Variants in OAF observed in about 807,000 individuals in gnomAD.
OAF encodes the protein out at first homolog.
A neutral mutation model predicts 22.5 loss-of-function variants in OAF; 13 were observed. That is an observed-to-expected ratio of 0.58 (90% CI 0.38 to 0.92). The LOEUF (loss-of-function observed/expected upper bound fraction) is 0.92, where lower values mean the gene tolerates loss of function less well. Ranked by LOEUF, OAF falls within the 40% of genes least tolerant of loss-of-function variation. The pLI, the probability that OAF is intolerant of heterozygous loss-of-function variation, is 0.00. For missense variants in OAF, 347 were observed against 381.8 expected (o/e 0.91, Z 0.76); for synonymous variants, 175 against 170.5 (o/e 1.03, Z -0.21).
chr11:120,218,986 C>T (rs1456306332), intron 1 of OAF, among the ~76,000 whole-genome samples: 2 of 151,252 alleles, frequency 1.3e-5, no homozygotes, highest in South Asian at 2.1e-4. Flanking sequence ...CGCATGTACA[C>T]GTGTGTGTGT....
chr11:120,221,991 G>A (rs920397341), intron 1 of OAF, among the ~76,000 whole-genome samples: 4 of 152,170 alleles, frequency 2.6e-5, no homozygotes, highest in African/African-American at 4.8e-5. Flanking sequence ...CATGAAGTAC[G>A]TCATCCCAAC....
intron 1 of OAF, among the ~76,000 whole-genome samples, chr11:120,223,790 C>T (rs1304984033): frequency 1.3e-5 from 2 of 152,216 alleles, no homozygotes; most frequent in African/African-American, 4.8e-5. Flanking sequence ...ATAGGCTTCT[C>T]TCCAAAGAGT....
rs186811345 is a variant in OAF, at chr11:120,211,499, G to A, written c.220G>A (p.Asp74Asn). The change falls in exon 1 of 4, where the codon GAC becomes AAC. Residue 74 changes from aspartate to asparagine, a missense_variant. Transcript: ENST00000328965. The part of the protein sequence containing the change: ...PDGTLVSFTA[D>N]FKKDVKVFRA... ...CGGCACCCTCGTCTCCTTCACCGCCGACTTCAAGAAGGTGAGGCGCCCTCA... is the reference window on the plus strand; with the variant it reads ...CGGCACCCTCGTCTCCTTCACCGCCAACTTCAAGAAGGTGAGGCGCCCTCA... 10 of 1,466,054 alleles carry A rather than the reference G, an allele frequency of 6.8e-6. No individual in the cohort carries two copies. The highest frequency in any genetic ancestry group is 2.4e-5 in the Admixed American group (1 of 41,948). 90.8% of individuals were successfully genotyped at this position (1,466,054 alleles called of 1,614,324 possible).
chr11:120,220,626 G>A (rs1323535563), intron 1 of OAF, among the ~76,000 whole-genome samples: 4 of 152,204 alleles, frequency 2.6e-5, no homozygotes, highest in Non-Finnish European at 4.4e-5. Flanking sequence ...GCTGGTGAGG[G>A]CAGCACTGGG....
intron 3 of OAF, among the ~76,000 whole-genome samples, chr11:120,228,106 TA>T (rs1236356913): frequency 6.7e-6 from 1 of 149,754 alleles, no homozygotes; most frequent in Non-Finnish European, 1.5e-5. Context: ...TTTTTTGAGA[TA>T]AAGTCTCACT....
intron 1 of OAF, among the ~76,000 whole-genome samples, chr11:120,225,330 A>G (rs1390527520): frequency 6.6e-6 from 1 of 151,732 alleles, no homozygotes; most frequent in Non-Finnish European, 1.5e-5. Flanking sequence ...GCCCTCCTCC[A>G]TGATGCCCTG....
At chr11:120,228,825 T>TGCCCACC in intron 3 of OAF, 43 bp from the exon 4 acceptor site, 9 of 434,170 alleles carry the variant, frequency 2.1e-5, no homozygotes, top group Non-Finnish European at 3.7e-5. Flanking sequence ...GCTCCTTCCC[T>TGCCCACC]CCCTCCCTCC....
At chr11:120,217,962 G>T (rs931345131) in intron 1 of OAF, among the ~76,000 whole-genome samples, 5 of 152,216 alleles carry the variant, frequency 3.3e-5, no homozygotes, top group African/African-American at 1.2e-4. Flanking sequence ...CAGATAAAGG[G>T]CAGGGAGAGG....
At position 120,229,211 on chromosome 11, in the gene OAF, A is replaced by C. The variant is rs1938404351; in HGVS notation, c.*69A>C. 6.4e-6 allele frequency: 9 copies of C among 1,410,420 alleles called. No individual in the cohort carries two copies. The highest frequency in any genetic ancestry group is 2.3e-5 in the East Asian group (1 of 43,384). The allele number at this position is 1,410,420 out of a possible 1,614,324, so 87.4% of individuals were successfully genotyped here. On this transcript the variant is annotated 3_prime_UTR_variant, in exon 4 of 4. Coordinates refer to ENST00000328965, the MANE Select transcript of OAF (RefSeq NM_178507.4). ...TTCACCAGCCACTAGAGGGGGTGGCAACCCCCACCTGAGGCCTTATTTCCC... is the reference window on the plus strand; with the variant it reads ...TTCACCAGCCACTAGAGGGGGTGGCCACCCCCACCTGAGGCCTTATTTCCC...
chr11:120,216,259 A>C (rs1185536031), intron 1 of OAF, among the ~76,000 whole-genome samples: 1 of 152,192 alleles, frequency 6.6e-6, no homozygotes, highest in African/African-American at 2.4e-5. Context: ...TGCAATGTCC[A>C]CGTTGCCACC....
At position 120,226,935 on chromosome 11, in the gene OAF, T is replaced by C. The variant is rs1312177937; in HGVS notation, c.486T>C (p.Cys162=). The C allele has an allele frequency of 2.3e-5, 37 of 1,611,528 alleles. No homozygotes were observed. The highest frequency in any genetic ancestry group is 3.0e-5 in the Non-Finnish European group (35 of 1,178,038). ...TGAGCCCCCATCTCCACAACGTGTGTGCCGAGGCCGTGGATGCCATCTACA... is the reference window on the plus strand; with the variant it reads ...TGAGCCCCCATCTCCACAACGTGTGCGCCGAGGCCGTGGATGCCATCTACA... ...ALLSPHLHNV[C]AEAVDAIYTR... Residue 162 remains cysteine (C), a synonymous_variant, in exon 3 of 4, where the codon TGT becomes TGC. Transcript: ENST00000328965.
In OAF at chr11:120,229,364, CG is replaced by C; in HGVS notation, c.*225del. 3.6e-6 allele frequency: 2 copies of C among 551,796 alleles called. No homozygotes were observed. The highest frequency in any genetic ancestry group is 2.1e-5 in the South Asian group (1 of 47,084). The allele number at this position is 551,796 out of a possible 1,614,324, so 34.2% of individuals were successfully genotyped here. A position where few individuals can be genotyped will look rare whatever the true frequency, so the allele number is the denominator to read the frequency against. On this transcript the variant is annotated 3_prime_UTR_variant, in exon 4 of 4. Transcript: ENST00000328965. ...CCATTCCCACCCTGTGCCTTCCTTG[CG>C]GGCAGAGAGGGAGAGAAGGGCTCCC...
At chr11:120,222,709 C>A (rs1938296336) in intron 1 of OAF, among the ~76,000 whole-genome samples, 1 of 152,156 alleles carries the variant, frequency 6.6e-6, no homozygotes. Flanking sequence ...CTTAGGAGAT[C>A]AAGACCATCC....
intron 1 of OAF, 135 bp from the exon 2 acceptor site, chr11:120,225,526 T>C: frequency 1.5e-6 from 1 of 671,718 alleles, no homozygotes; most frequent in Non-Finnish European, 2.4e-6. Context: ...TAAAAATTCC[T>C]AGACCAGCAG....
intron 3 of OAF, among the ~76,000 whole-genome samples, chr11:120,227,285 C>T (rs963997023): frequency 6.6e-6 from 1 of 152,124 alleles, no homozygotes; most frequent in Non-Finnish European, 1.5e-5. Flanking sequence ...CAGGGAGGGA[C>T]CCCCAAACCA....
chr11:120,216,695 C>T (rs1014281659), intron 1 of OAF, among the ~76,000 whole-genome samples: 21 of 152,288 alleles, frequency 1.4e-4, no homozygotes, highest in African/African-American at 4.6e-4. Context: ...CAAAAGATCC[C>T]GGTAGGCCAT....
In OAF at chr11:120,228,995, C is replaced by T; in HGVS notation, c.675C>T (p.Tyr225=). The T allele has an allele frequency of 1.9e-6, 3 of 1,613,436 alleles. No homozygotes were observed. Among genetic ancestry groups the T allele is most frequent in the Non-Finnish European group, 2.5e-6 (3 of 1,179,988 alleles). The part of the protein sequence containing the change: ...VCRYGLSLAW[Y]PCMLKYCHSR... ...GCTATGGCCTGAGCCTGGCCTGGTA[C>T]CCCTGCATGCTCAAGTACTGCCACA... Residue 225 remains tyrosine, a synonymous_variant, in exon 4 of 4, where the codon TAC becomes TAT. Transcript: ENST00000328965.
chr11:120,228,822 C>CCCCA, intron 3 of OAF, 46 bp from the exon 4 acceptor site: 4 of 398,974 alleles, frequency 1.0e-5, no homozygotes, highest in Non-Finnish European at 5.1e-6. Flanking sequence ...GGAGCTCCTT[C>CCCCA]CCTCCCTCCC....
intron 1 of OAF, among the ~76,000 whole-genome samples, chr11:120,211,772 A>G (rs1214712617): frequency 1.3e-5 from 2 of 151,518 alleles, no homozygotes; most frequent in Admixed American, 6.6e-5. Flanking sequence ...CTCCTCCAGA[A>G]CTCCTACTAA....
Sources: allele counts gnomAD v4.1 joint callset (sites outside exome capture counted in the v4.1 genomes callset), GRCh38; gene constraint gnomAD v4.1.1; transcripts MANE v1.5; gene names NCBI Gene and HGNC (gene_info 2026-07-23, HGNC 2026-07-21).